Variants in GPC6 observed in about 807,000 individuals in gnomAD.
GPC6 encodes the protein glypican-6.
Under a neutral mutation model 55.2 loss-of-function variants are expected in GPC6, and 14 were observed. The observed-to-expected ratio is 0.25, with a 90% CI of 0.17 to 0.40. The LOEUF is 0.40. GPC6 is among the 10% of genes least tolerant of loss of function. The pLI, the probability that GPC6 is intolerant of heterozygous loss-of-function variation, is 1.00. For synonymous variants in GPC6, 278 were observed against 259.6 expected, an observed-to-expected ratio of 1.07 and a Z score of -0.68; for missense variants, 641 against 708.5, an observed-to-expected ratio of 0.90 and a Z score of 1.08.
intron 4 of GPC6, among the ~76,000 whole-genome samples, chr13:94,135,108 T>C (rs1887136415): frequency 6.6e-6 from 1 of 152,170 alleles, no homozygotes; most frequent in South Asian, 2.1e-4. Context: ...TTGAGACTCA[T>C]TGACATAGTA....
chr13:93,671,771 A>C (rs1881368757), intron 2 of GPC6, among the ~76,000 whole-genome samples: 1 of 151,802 alleles, frequency 6.6e-6, no homozygotes, highest in Admixed American at 6.6e-5. Context: ...TTTAGTTAGG[A>C]CTGTGTTTCA....
chr13:93,689,995 A>G (rs1243408956), intron 2 of GPC6, among the ~76,000 whole-genome samples: 1 of 152,134 alleles, frequency 6.6e-6, no homozygotes, highest in Admixed American at 6.6e-5. Flanking sequence ...CTGTAGTGAT[A>G]TAGATACTCA....
chr13:93,245,050 G>T (rs1716407194), intron 1 of GPC6, among the ~76,000 whole-genome samples: 1 of 152,188 alleles, frequency 6.6e-6, no homozygotes, highest in Non-Finnish European at 1.5e-5. Context: ...CTTTAGTCCA[G>T]TATTTCTCAA....
intron 1 of GPC6, among the ~76,000 whole-genome samples, chr13:93,297,567 G>C (rs1362882998): frequency 1.3e-5 from 2 of 152,124 alleles, no homozygotes; most frequent in East Asian, 3.9e-4. Context: ...GGAGTTTGAG[G>C]CTGCAGTGAG....
chr13:93,334,445 A>C (rs1879974039), intron 1 of GPC6, among the ~76,000 whole-genome samples: 1 of 152,066 alleles, frequency 6.6e-6, no homozygotes, highest in South Asian at 2.1e-4. Flanking sequence ...AATCAACTTC[A>C]TTCTGACATT....
chr13:93,591,264 C>T (rs917145259), intron 2 of GPC6, among the ~76,000 whole-genome samples: 9 of 151,716 alleles, frequency 5.9e-5, no homozygotes, highest in African/African-American at 1.5e-4. Context: ...GATATCGAGC[C>T]CATCCTGGCT....
At chr13:94,151,490 C>T (rs928089582) in intron 4 of GPC6, among the ~76,000 whole-genome samples, 4 of 152,124 alleles carry the variant, frequency 2.6e-5, no homozygotes, top group African/African-American at 7.2e-5. Context: ...AGCTGACATG[C>T]GAAGGGCCCT....
At chr13:93,290,033 C>G (rs936766948) in intron 1 of GPC6, among the ~76,000 whole-genome samples, 1 of 152,092 alleles carries the variant, frequency 6.6e-6, no homozygotes, top group Non-Finnish European at 1.5e-5. Context: ...TTACTCAGTT[C>G]AAAGGATTAC....
intron 4 of GPC6, among the ~76,000 whole-genome samples, chr13:94,248,142 G>A (rs1891252126): frequency 6.6e-6 from 1 of 152,070 alleles, no homozygotes; most frequent in Non-Finnish European, 1.5e-5. Flanking sequence ...GGAATTATTA[G>A]GATCATAGTT....
chr13:93,986,605 A>G (rs1046793583), intron 3 of GPC6, among the ~76,000 whole-genome samples: 1 of 152,204 alleles, frequency 6.6e-6, no homozygotes, highest in African/African-American at 2.4e-5. Flanking sequence ...ATCTACTTGC[A>G]TAAACAACTA....
intron 2 of GPC6, among the ~76,000 whole-genome samples, chr13:93,800,990 A>G (rs1260102383): frequency 1.3e-5 from 2 of 152,192 alleles, no homozygotes; most frequent in Non-Finnish European, 2.9e-5. Flanking sequence ...TTGGCATTAA[A>G]TCTGCTTCAA....
intron 4 of GPC6, among the ~76,000 whole-genome samples, chr13:94,106,247 G>A (rs1468435162): frequency 3.9e-5 from 6 of 152,234 alleles, no homozygotes; most frequent in African/African-American, 1.4e-4. Flanking sequence ...ATACTGCCAA[G>A]TGTGAGAAAT....
chr13:93,569,809 A>C (rs952465053), intron 2 of GPC6, among the ~76,000 whole-genome samples: 2 of 152,124 alleles, frequency 1.3e-5, no homozygotes, highest in East Asian at 3.8e-4. Context: ...TAGGTGATAA[A>C]GTTACCAATT....
chr13:93,964,608 T>A (rs1341552214), intron 3 of GPC6, among the ~76,000 whole-genome samples: 2 of 152,180 alleles, frequency 1.3e-5, no homozygotes, highest in Admixed American at 6.5e-5. Context: ...AGGTGTAACT[T>A]TGTTTTTAAG....
intron 3 of GPC6, among the ~76,000 whole-genome samples, chr13:94,006,910 C>G (rs1002674082): frequency 6.6e-6 from 1 of 152,084 alleles, no homozygotes; most frequent in Non-Finnish European, 1.5e-5. Context: ...CTTATTTACT[C>G]TTTATGTTGG....
At chr13:93,537,482 GATA>G (rs759119059) in intron 1 of GPC6, among the ~76,000 whole-genome samples, 20 of 152,142 alleles carry the variant, frequency 1.3e-4, no homozygotes, top group Non-Finnish European at 2.6e-4. Flanking sequence ...ATAATAATTA[GATA>G]ATAATAGATT....
At chr13:93,388,390 C>T (rs1182229675) in intron 1 of GPC6, among the ~76,000 whole-genome samples, 1 of 152,196 alleles carries the variant, frequency 6.6e-6, no homozygotes, top group Non-Finnish European at 1.5e-5. Context: ...AGTTCAATCC[C>T]TTGGGGGCTC....
At chr13:94,132,344 A>G (rs535214329) in intron 4 of GPC6, among the ~76,000 whole-genome samples, 9 of 152,294 alleles carry the variant, frequency 5.9e-5, no homozygotes, top group African/African-American at 1.9e-4. Flanking sequence ...CCAAAATGCC[A>G]TAGGAATGCA....
intron 2 of GPC6, among the ~76,000 whole-genome samples, chr13:93,615,997 A>T (rs1354592250): frequency 6.6e-6 from 1 of 152,102 alleles, no homozygotes; most frequent in African/African-American, 2.4e-5. Context: ...TTGTATACCT[A>T]AGTATTTGAA....
Sources: gnomAD v4.1 joint callset for allele counts (sites outside exome capture counted in the v4.1 genomes callset) on GRCh38, gnomAD v4.1.1 for gene constraint, MANE v1.5 for transcripts, NCBI Gene and HGNC (gene_info 2026-07-23, HGNC 2026-07-21) for gene names.